TENM2: variants seen among roughly 807,000 people sequenced by gnomAD.
TENM2 encodes teneurin-2.
A neutral mutation model predicts 245.2 loss-of-function variants in TENM2; 52 were observed. The ratio of observed to expected loss-of-function variants is 0.21; its 90% CI spans 0.17 to 0.27. The LOEUF is 0.27. Ranked by LOEUF, TENM2 falls within the 10% of genes least tolerant of loss-of-function variation. The pLI, the probability that TENM2 is intolerant of heterozygous loss-of-function variation, is 1.00. For missense variants in TENM2, 3,046 were observed against 3,666.8 expected, an observed-to-expected ratio of 0.83 and a Z score of 4.37; for synonymous variants, 1,363 against 1,438.9, an observed-to-expected ratio of 0.95 and a Z score of 1.19.
chr5:167,301,651 C>A (rs1755333813), intron 1 of TENM2, among the ~76,000 whole-genome samples: 2 of 152,020 alleles, frequency 1.3e-5, no homozygotes, highest in Non-Finnish European at 2.9e-5. Flanking sequence ...GCCTTTTGAC[C>A]TTTTAGGGTC....
At chr5:167,241,515 T>A in the TENM2 span, among the ~76,000 whole-genome samples, 2 of 152,102 alleles carry the variant, frequency 1.3e-5, no homozygotes, top group African/African-American at 2.4e-5. Flanking sequence ...AGAGAGAGGA[T>A]GAACATTGCA....
chr5:167,277,528 A>G, the TENM2 span, among the ~76,000 whole-genome samples: 2 of 152,050 alleles, frequency 1.3e-5, no homozygotes, highest in Non-Finnish European at 2.9e-5. Flanking sequence ...ATGATCCAAG[A>G]TATGGTTTTA....
chr5:167,168,790 C>A, the TENM2 span, among the ~76,000 whole-genome samples: 3 of 151,732 alleles, frequency 2.0e-5, no homozygotes, highest in African/African-American at 4.8e-5. Flanking sequence ...GACAGAGTCT[C>A]GCTCTGTTGT....
chr5:167,151,897 T>G, the TENM2 span, among the ~76,000 whole-genome samples: 1 of 152,190 alleles, frequency 6.6e-6, no homozygotes, highest in African/African-American at 2.4e-5. Flanking sequence ...TAAATCCCTG[T>G]TGACTCTCTT....
chr5:168,190,571 A>T, intron 14 of TENM2, 24 bp downstream of exon 16: 1 of 1,593,428 alleles, frequency 6.3e-7, no homozygotes, highest in Non-Finnish European at 8.6e-7. Flanking sequence ...GTCCCTGCAA[A>T]CTCCTGAAGT....
chr5:168,205,823 AT>A (rs2152541602), intron 19 of TENM2, among the ~76,000 whole-genome samples: 1 of 152,236 alleles, frequency 6.6e-6, no homozygotes, highest in South Asian at 2.1e-4. Flanking sequence ...TGGAATTGAT[AT>A]GATCTGATTT....
At chr5:167,149,408 G>A in the TENM2 span, among the ~76,000 whole-genome samples, 3 of 151,998 alleles carry the variant, frequency 2.0e-5, no homozygotes, top group African/African-American at 7.3e-5. Context: ...TAGCGAGTGT[G>A]CCTCTACATA....
chr5:167,663,897 G>C (rs1755404632), intron 2 of TENM2, among the ~76,000 whole-genome samples: 1 of 152,072 alleles, frequency 6.6e-6, no homozygotes, highest in South Asian at 2.1e-4. Flanking sequence ...TTCCTTGAGA[G>C]TGTCTTGCTC....
intron 5 of TENM2, among the ~76,000 whole-genome samples, chr5:167,999,021 A>G (rs1304193882): frequency 6.6e-6 from 1 of 152,186 alleles, no homozygotes; most frequent in East Asian, 1.9e-4. Context: ...CATCTCACTG[A>G]ACAGAGCAGG....
chr5:167,814,552 T>G (rs927164347), intron 2 of TENM2, among the ~76,000 whole-genome samples: 2 of 151,046 alleles, frequency 1.3e-5, no homozygotes, highest in African/African-American at 4.9e-5. Flanking sequence ...AATGCATATA[T>G]GGGTGCCATG....
intron 2 of TENM2, among the ~76,000 whole-genome samples, chr5:167,394,471 G>T (rs1187608952): frequency 1.3e-5 from 2 of 151,638 alleles, no homozygotes; most frequent in Non-Finnish European, 2.9e-5. Flanking sequence ...TTATTCTATT[G>T]GTCTATGTGT....
the TENM2 span, among the ~76,000 whole-genome samples, chr5:167,265,803 G>A: frequency 6.6e-6 from 1 of 152,150 alleles, no homozygotes; most frequent in East Asian, 1.9e-4. Flanking sequence ...GCTACCAGAA[G>A]ACAGTTAATC....
intron 7 of TENM2, among the ~76,000 whole-genome samples, chr5:168,068,343 G>A (rs1410316071): frequency 1.3e-5 from 2 of 152,060 alleles, no homozygotes; most frequent in Non-Finnish European, 2.9e-5. Context: ...TTTAGACAGA[G>A]GAGAGTCTTG....
chr5:167,466,048 C>T (rs1337255241), intron 2 of TENM2, among the ~76,000 whole-genome samples: 1 of 152,112 alleles, frequency 6.6e-6, no homozygotes, highest in Non-Finnish European at 1.5e-5. Context: ...CAGGTTTAGA[C>T]TTCCCCCTCT....
the TENM2 span, among the ~76,000 whole-genome samples, chr5:167,158,851 CCTT>C: frequency 2.5e-3 from 185 of 72,596 alleles, 2 homozygotes; most frequent in African/African-American, 9.1e-3. Flanking sequence ...AGCAGCCCTT[CCTT>C]CCTTCCTTCC....
intron 2 of TENM2, among the ~76,000 whole-genome samples, chr5:167,495,186 CCTTTT>C (rs1303915816): frequency 1.3e-5 from 2 of 151,534 alleles, no homozygotes; most frequent in Non-Finnish European, 2.9e-5. Flanking sequence ...CATACTGTTT[CCTTTT>C]AAGACCCAAA....
intron 7 of TENM2, among the ~76,000 whole-genome samples, chr5:168,067,943 C>T (rs1287363822): frequency 1.3e-5 from 2 of 152,172 alleles, no homozygotes; most frequent in Non-Finnish European, 2.9e-5. Context: ...GCATGTTTTT[C>T]AGAACCTTCC....
chr5:167,894,181 TGATGGATG>T (rs765827675), intron 3 of TENM2, among the ~76,000 whole-genome samples: 1 of 152,016 alleles, frequency 6.6e-6, no homozygotes, highest in South Asian at 2.1e-4. Flanking sequence ...AAATCACAGA[TGATGGATG>T]GATGGATGGA....
At chr5:167,583,576 A>G (rs1170430429) in intron 2 of TENM2, among the ~76,000 whole-genome samples, 2 of 152,102 alleles carry the variant, frequency 1.3e-5, no homozygotes, top group Non-Finnish European at 2.9e-5. Context: ...GAATAACCAT[A>G]TGGAGAATTT....
Sources: gnomAD v4.1 joint callset for allele counts (sites outside exome capture counted in the v4.1 genomes callset) on GRCh38, gnomAD v4.1.1 for gene constraint, MANE v1.5 for transcripts, NCBI Gene and HGNC (gene_info 2026-07-23, HGNC 2026-07-21) for gene names.